Variants in QRFPR observed in about 807,000 individuals in gnomAD.
The protein encoded by QRFPR is pyroglutamylated RF-amide peptide receptor.
Under a neutral mutation model 31.3 loss-of-function variants are expected in QRFPR, and 37 were observed. The observed-to-expected ratio is 1.18, with a 90% CI of 0.91 to 1.56. QRFPR has a LOEUF of 1.56. QRFPR is among the 40% of genes most tolerant of loss of function. The probability of loss-of-function intolerance (pLI) is 0.00; values close to 1 mark genes in which losing one functional copy is unlikely to be tolerated. For missense variants in QRFPR, 542 were observed against 532.5 expected (o/e 1.02, Z -0.18); for synonymous variants, 197 against 192.0 (o/e 1.03, Z -0.22).
intron 2 of QRFPR, among the ~76,000 whole-genome samples, chr4:121,338,940 C>T (rs1405494594): frequency 1.3e-5 from 2 of 152,212 alleles, no homozygotes; most frequent in Non-Finnish European, 2.9e-5. Context: ...TCCCCACATG[C>T]TGTTTTCAGG....
chr4:121,340,108 CAAAAAAAAAAAAA>C (rs58311512), intron 2 of QRFPR: 2,789 of 131,676 alleles, frequency 0.021, 104 homozygotes, highest in African/African-American at 0.1. Context: ...CACTCTGTCT[CAAAAAAAAAAAAA>C]AAAAAAAAAA....
chr4:121,351,622 C>G (rs1243804255), intron 1 of QRFPR, among the ~76,000 whole-genome samples: 1 of 151,906 alleles, frequency 6.6e-6, no homozygotes, highest in Non-Finnish European at 1.5e-5. Flanking sequence ...AATAACCCAT[C>G]ATGAAGTAAT....
At chr4:121,374,786 A>T (rs1294043707) in intron 1 of QRFPR, among the ~76,000 whole-genome samples, 1 of 152,244 alleles carries the variant, frequency 6.6e-6, no homozygotes, top group African/African-American at 2.4e-5. Flanking sequence ...ATACTCTTCA[A>T]AGATAGTAAA....
chr4:121,336,576 G>A (rs1474719496), intron 3 of QRFPR, among the ~76,000 whole-genome samples: 2 of 152,120 alleles, frequency 1.3e-5, no homozygotes, highest in African/African-American at 4.8e-5. Context: ...GTGTATTTTT[G>A]AAAAATTGTA....
intron 1 of QRFPR, among the ~76,000 whole-genome samples, chr4:121,349,841 C>T (rs1238740321): frequency 6.6e-6 from 1 of 152,132 alleles, no homozygotes; most frequent in Non-Finnish European, 1.5e-5. Flanking sequence ...CAATAACATG[C>T]CCATTTTTCA....
At chr4:121,379,181 AT>A (rs1726419667) in intron 1 of QRFPR, among the ~76,000 whole-genome samples, 1 of 152,184 alleles carries the variant, frequency 6.6e-6, no homozygotes, top group South Asian at 2.1e-4. Context: ...TTTTGAAAAT[AT>A]TTACATTATA....
intron 1 of QRFPR, among the ~76,000 whole-genome samples, chr4:121,365,557 A>T (rs141438784): frequency 0.08 from 1,068 of 13,318 alleles, 461 homozygotes; most frequent in East Asian, 0.37. Context: ...TATAATATAT[A>T]ATATATATTA....
intron 1 of QRFPR, among the ~76,000 whole-genome samples, chr4:121,349,677 T>C (rs1301617860): frequency 6.6e-6 from 1 of 152,154 alleles, no homozygotes; most frequent in Non-Finnish European, 1.5e-5. Context: ...TCCTATTGTT[T>C]AAAAGGCCAA....
chr4:121,365,487 A>AT (rs1256057373), intron 1 of QRFPR, among the ~76,000 whole-genome samples: 1 of 48,910 alleles, frequency 2.0e-5, no homozygotes, highest in Non-Finnish European at 3.7e-5. Context: ...TTAATTAATT[A>AT]AATTATATAT....
chr4:121,364,600 A>G (rs996331879), intron 1 of QRFPR, among the ~76,000 whole-genome samples: 1 of 148,720 alleles, frequency 6.7e-6, no homozygotes, highest in African/African-American at 2.5e-5. Context: ...AGATTGCGCC[A>G]CTGCACTCCA....
rs1410856558 is a variant in QRFPR, at chr4:121,366,008, C to G, written c.340+14300G>C. Among the ~76,000 whole-genome samples, 4 of 148,752 alleles carry G rather than the reference C, an allele frequency of 2.7e-5. 1 individual carries two copies. Among genetic ancestry groups the G allele is most frequent in the Non-Finnish European group, 4.5e-5 (3 of 67,384 alleles). On this transcript the variant is annotated intron_variant, in intron 1 of 5. Coordinates refer to ENST00000394427, the MANE Select transcript of QRFPR (RefSeq NM_198179.3). ...TCACAAAGATCTATGAGGAAAAGAT[C>G]ATGGCAGACTTTCACTACAAAAATT... is the stretch of plus-strand genomic sequence containing the variant.
rs147169051 is a variant in QRFPR at position 121,375,318 on chromosome 4, C to T, written c.340+4990G>A. ...TACTCCTCAATACTTGCACTGTGTG[C>T]TCTGGAACCCTGACATCTACAAAAT... On this transcript the variant is annotated intron_variant, in intron 1 of 5. Transcript: ENST00000394427. Among the ~76,000 whole-genome samples the T allele has an allele frequency of 1.1e-3, 169 of 152,294 alleles. 1 individual carries two copies. The highest frequency in any genetic ancestry group is 3.6e-3 in the Admixed American group (55 of 15,304).
At chr4:121,342,011 A>G (rs1725552066) in intron 1 of QRFPR, among the ~76,000 whole-genome samples, 1 of 152,202 alleles carries the variant, frequency 6.6e-6, no homozygotes. Context: ...AGCAAAATGT[A>G]CTTCTGGATA....
In QRFPR at chr4:121,378,794, A is replaced by G. The variant is rs116562736; in HGVS notation, c.340+1514T>C. Among the ~76,000 whole-genome samples, 711 of 152,266 alleles carry G rather than the reference A, an allele frequency of 4.7e-3. 4 individuals carry two copies. Among genetic ancestry groups the G allele is most frequent in the African/African-American group, 0.016 (677 of 41,576 alleles). ...AAAAATTGAGACCCAGACATACTAA[A>G]TTAACATGTATTACAGCCAAAATAG... On this transcript the variant is annotated intron_variant, in intron 1 of 5. Transcript: ENST00000394427.
At chr4:121,331,783 G>C (rs1208189362) in intron 4 of QRFPR, among the ~76,000 whole-genome samples, 3 of 151,872 alleles carry the variant, frequency 2.0e-5, no homozygotes, top group African/African-American at 4.8e-5. Flanking sequence ...CTCCCAAGTA[G>C]CTGGGATTAC....
At chr4:121,355,918 G>T (rs1451860379) in intron 1 of QRFPR, among the ~76,000 whole-genome samples, 1 of 152,234 alleles carries the variant, frequency 6.6e-6, no homozygotes, top group Non-Finnish European at 1.5e-5. Flanking sequence ...GGTGGTCAGA[G>T]AAGATACTTG....
chr4:121,376,129 A>T (rs573053548), intron 1 of QRFPR, among the ~76,000 whole-genome samples: 60 of 152,310 alleles, frequency 3.9e-4, no homozygotes, highest in African/African-American at 1.3e-3. Context: ...AACTTTCCTA[A>T]AGGAAAGGGC....
At chr4:121,346,525 G>A (rs895664313) in intron 1 of QRFPR, among the ~76,000 whole-genome samples, 3 of 152,064 alleles carry the variant, frequency 2.0e-5, no homozygotes, top group Non-Finnish European at 2.9e-5. Context: ...TCTGCATATG[G>A]TCACTTATTG....
chr4:121,377,845 A>G (rs531546145), intron 1 of QRFPR, among the ~76,000 whole-genome samples: 21 of 152,338 alleles, frequency 1.4e-4, no homozygotes, highest in African/African-American at 3.8e-4. Context: ...GCTTTGTAAA[A>G]TAATAAATTA....
Sources: allele counts gnomAD v4.1 joint callset (sites outside exome capture counted in the v4.1 genomes callset), GRCh38; gene constraint gnomAD v4.1.1; transcripts MANE v1.5; gene names NCBI Gene and HGNC (gene_info 2026-07-23, HGNC 2026-07-21).